Variants in NR4A3 observed in about 807,000 individuals in gnomAD.
The protein encoded by NR4A3 is chondrosarcoma, extraskeletal myxoid, fused to EWS.
In NR4A3, 13 loss-of-function variants were observed where a neutral mutation model predicts 55.6. The ratio of observed to expected loss-of-function variants is 0.23; its 90% confidence interval spans 0.15 to 0.37. NR4A3 has a LOEUF of 0.37. Ranked by LOEUF, NR4A3 falls within the 10% of genes least tolerant of loss-of-function variation. The probability of loss-of-function intolerance (pLI) is 1.00; values close to 1 mark genes in which losing one functional copy is unlikely to be tolerated. For synonymous variants in NR4A3, 342 were observed against 357.9 expected (o/e 0.96, Z 0.50); for missense variants, 646 against 822.8 (o/e 0.79, Z 2.63).
intron 7 of NR4A3, among the ~76,000 whole-genome samples, chr9:99,860,203 A>G (rs971331403): frequency 4.9e-5 from 7 of 144,088 alleles, no homozygotes; most frequent in African/African-American, 1.7e-4. Flanking sequence ...TCTTTATTTA[A>G]TGTTGTAAAC....
In NR4A3 at chr9:99,865,948, T is replaced by C. The variant is rs2118195958; in HGVS notation, c.*2081T>C. Reference sequence around the variant, plus strand: ...TCATAGAGGAGCAAACTGGGGCCCATTGAAGGGTGAAGAGTTACTCAAGGT... The same window carrying C: ...TCATAGAGGAGCAAACTGGGGCCCACTGAAGGGTGAAGAGTTACTCAAGGT... On this transcript the variant is annotated 3_prime_UTR_variant, in exon 8 of 8. Transcript: ENST00000395097. The surrounding 1 kb of genome is among the most constrained non-coding windows in gnomAD (Gnocchi z 4.3). 4.6e-6 allele frequency: 1 copy of C among 218,750 alleles called. No homozygotes were observed. Among genetic ancestry groups the C allele is most frequent in the Non-Finnish European group, 9.2e-6 (1 of 108,750 alleles). The allele number at this position is 218,750 out of a possible 1,614,324, so 13.6% of individuals were successfully genotyped here.
intron 6 of NR4A3, among the ~76,000 whole-genome samples, chr9:99,845,394 G>A (rs769129545): frequency 2.6e-5 from 4 of 152,014 alleles, no homozygotes; most frequent in African/African-American, 4.8e-5. Context: ...ACTCAGTGAC[G>A]CCAAACACAA....
chr9:99,862,979 G>C (rs1828034225), intron 7 of NR4A3, among the ~76,000 whole-genome samples: 1 of 151,954 alleles, frequency 6.6e-6, no homozygotes, highest in South Asian at 2.1e-4. Context: ...TTTCAAGTGG[G>C]GGGGAACAAA....
chr9:99,857,042 A>G (rs780067265), intron 7 of NR4A3, among the ~76,000 whole-genome samples: 3 of 152,266 alleles, frequency 2.0e-5, no homozygotes, highest in Admixed American at 1.3e-4. Context: ...TATAGCAGAT[A>G]CAGGAAGCAT....
chr9:99,851,100 G>C (rs1827841961), intron 7 of NR4A3, among the ~76,000 whole-genome samples: 1 of 152,170 alleles, frequency 6.6e-6, no homozygotes, highest in African/African-American at 2.4e-5. Flanking sequence ...CGACCAGGTA[G>C]CTCCTGTTCC....
chr9:99,828,467 C>T lies in NR4A3; in HGVS notation c.425C>T (p.Thr142Ile), dbSNP rs1168001465. 3.8e-6 allele frequency: 6 copies of T among 1,576,630 alleles called. No individual in the cohort carries two copies. Among genetic ancestry groups the T allele is most frequent in the African/African-American group, 1.4e-5 (1 of 73,948 alleles). The change falls in exon 3 of 8, where the codon ACC (threonine) becomes ATC (isoleucine). Residue 142 changes from threonine to isoleucine, a missense_variant. Around this residue, in one of 5 missense-constraint regions of NR4A3, gnomAD observed 426 missense variants for 429.4 expected, o/e 0.99. Transcript: ENST00000395097. The surrounding 1 kb of genome is among the most constrained non-coding windows in gnomAD (Gnocchi z 7.7). ...SMYFKQSPPS[T>I]PTTPAFPPQA... is the part of the protein sequence containing the mutation. ...TACTTCAAGCAGTCCCCACCGTCCA[C>T]CCCCACCACGCCGGCCTTCCCCCCG...
At chr9:99,850,313 G>A (rs1037742795) in intron 7 of NR4A3, among the ~76,000 whole-genome samples, 1 of 152,198 alleles carries the variant, frequency 6.6e-6, no homozygotes, top group Non-Finnish European at 1.5e-5. Context: ...GCCAGTCCAG[G>A]TGTGAGAGCC....
intron 5 of NR4A3, chr9:99,834,199 C>A: frequency 3.6e-6 from 1 of 275,794 alleles, no homozygotes; most frequent in Non-Finnish European, 5.8e-6. Context: ...TAGTAAAATC[C>A]CATCAGTCTG....
At chr9:99,833,679 C>A (rs1366021368) in intron 5 of NR4A3, 1 of 1,570,750 alleles carries the variant, frequency 6.4e-7, no homozygotes, top group Non-Finnish European at 8.6e-7. Context: ...CCTGACAGTG[C>A]TGCACCTGTC....
At chr9:99,827,959 G>C in intron 2 of NR4A3, 82 bp from the exon 3 acceptor site, 1 of 1,489,000 alleles carries the variant, frequency 6.7e-7, no homozygotes, top group South Asian at 1.3e-5. Flanking sequence ...CCAGATTAGA[G>C]AACAGTGAAC....
At position 99,866,590 on chromosome 9, in the gene NR4A3, T is replaced by G. The variant is rs1828101584; in HGVS notation, c.*2723T>G. ...TTTTGTCTTAATGTTGCACATAAGT[T>G]TATACAGAGTGGATGACCACACTAG... On this transcript the variant is annotated 3_prime_UTR_variant, in exon 8 of 8. Coordinates refer to ENST00000395097, the MANE Select transcript of NR4A3 (RefSeq NM_006981.4). 4.4e-6 allele frequency: 1 copy of G among 228,164 alleles called. No individual in the cohort carries two copies. The allele number at this position is 228,164 out of a possible 1,614,324, so 14.1% of individuals were successfully genotyped here.
At chr9:99,834,428 C>T (rs573308030) in intron 5 of NR4A3, among the ~76,000 whole-genome samples, 7 of 152,334 alleles carry the variant, frequency 4.6e-5, no homozygotes, top group African/African-American at 1.7e-4. Context: ...TACATTATCT[C>T]ATTTAATCCT....
chr9:99,849,263 A>G (rs1440909626), intron 7 of NR4A3, among the ~76,000 whole-genome samples: 1 of 152,148 alleles, frequency 6.6e-6, no homozygotes, highest in Non-Finnish European at 1.5e-5. Flanking sequence ...AGCAACTGGT[A>G]TGGCTGCAAT....
chr9:99,847,140 C>G (rs1037125797), intron 6 of NR4A3, among the ~76,000 whole-genome samples: 1 of 152,234 alleles, frequency 6.6e-6, no homozygotes. Context: ...CCTGCTCCCC[C>G]ATTTCCTGTC....
chr9:99,847,636 AC>A, intron 7 of NR4A3, 21 bp downstream of exon 7: 1 of 1,609,352 alleles, frequency 6.2e-7, no homozygotes. Context: ...CCTTGCCAAA[AC>A]CGCATCCTCA....
At position 99,828,327 on chromosome 9, in the gene NR4A3, T is replaced by C. The variant is rs1327361938; in HGVS notation, c.285T>C (p.His95=). The change falls in exon 3 of 8, where the codon CAT becomes CAC. Residue 95 remains histidine, a synonymous_variant. Transcript: ENST00000395097. This position sits in a 1 kb window ranked among gnomAD's most constrained non-coding sequence, Gnocchi z 7.7. ...AGGAGGGGCGGGCGCCCAGCTACCATCACCATCACCACCACCACCACCACC... is the reference window on the plus strand; with the variant it reads ...AGGAGGGGCGGGCGCCCAGCTACCACCACCATCACCACCACCACCACCACC... ...KVEEGRAPSY[H]HHHHHHHHHH... is the part of the protein sequence containing the mutation. 6.2e-7 allele frequency: 1 copy of C among 1,609,346 alleles called. No homozygotes were observed. The highest frequency in any genetic ancestry group is 8.5e-7 in the Non-Finnish European group (1 of 1,178,474).
chr9:99,835,903 AT>A (rs967287033), intron 5 of NR4A3, among the ~76,000 whole-genome samples: 2 of 152,200 alleles, frequency 1.3e-5, no homozygotes, highest in African/African-American at 4.8e-5. Flanking sequence ...CCTGGGTCAC[AT>A]TGGTACTACC....
At chr9:99,833,716 G>T (rs1321493730) in intron 5 of NR4A3, 21 of 1,499,292 alleles carry the variant, frequency 1.4e-5, no homozygotes, top group Non-Finnish European at 1.8e-5. Flanking sequence ...GATTCCTGGT[G>T]GTTGTGCCAA....
intron 7 of NR4A3, among the ~76,000 whole-genome samples, chr9:99,855,849 C>G (rs1827920143): frequency 6.6e-6 from 1 of 152,206 alleles, no homozygotes; most frequent in African/African-American, 2.4e-5. Flanking sequence ...ATTGTTGTCA[C>G]CAAGTTAGCC....
Sources: gnomAD v4.1 joint callset for allele counts (sites outside exome capture counted in the v4.1 genomes callset) on GRCh38, gnomAD v4.1.1 for gene constraint, gnomAD v4.1.1 regional missense constraint, Gnocchi (gnomAD v3.1) non-coding constraint, MANE v1.5 for transcripts, NCBI Gene and HGNC (gene_info 2026-07-23, HGNC 2026-07-21) for gene names.